TENM3: variants seen among roughly 807,000 people sequenced by gnomAD.
The protein encoded by TENM3 is teneurin-3.
A neutral mutation model predicts 255.1 loss-of-function variants in TENM3; 63 were observed. The ratio of observed to expected loss-of-function variants is 0.25; its 90% CI spans 0.20 to 0.30. The LOEUF (loss-of-function observed/expected upper bound fraction) is 0.30. Among genes scored for constraint, TENM3 ranks in the 10% least tolerant of loss-of-function variants. The pLI is 1.00. For missense variants in TENM3, 2,929 were observed against 3,461.1 expected (o/e 0.85, Z 3.86); for synonymous variants, 1,306 against 1,322.3 (o/e 0.99, Z 0.27).
chr4:182,628,988 A>T, intron 5 of TENM3, 99 bp downstream of exon 5: 2 of 754,280 alleles, frequency 2.7e-6, no homozygotes, highest in South Asian at 3.7e-5. Flanking sequence ...ATATTGTGAG[A>T]TTATATTTGG....
At chr4:181,457,389 T>C in the TENM3 span, among the ~76,000 whole-genome samples, 1 of 151,740 alleles carries the variant, frequency 6.6e-6, no homozygotes, top group African/African-American at 2.4e-5. Context: ...AGAATTTATT[T>C]TGGAAGTTCA....
At chr4:182,523,419 C>CT (rs34099228) in intron 3 of TENM3, among the ~76,000 whole-genome samples, 1 of 152,054 alleles carries the variant, frequency 6.6e-6, no homozygotes, top group African/African-American at 2.4e-5. Flanking sequence ...CAATTATAAC[C>CT]TTTTTTGGAA....
the TENM3 span, among the ~76,000 whole-genome samples, chr4:182,013,998 A>ATGTG: frequency 1.4e-5 from 1 of 71,540 alleles, no homozygotes; most frequent in African/African-American, 6.6e-5. Context: ...GTATATACAC[A>ATGTG]TATATACGTA....
At chr4:181,966,904 T>A in the TENM3 span, among the ~76,000 whole-genome samples, 5 of 152,138 alleles carry the variant, frequency 3.3e-5, no homozygotes, top group Admixed American at 3.3e-4. Context: ...ACAGCTAGCG[T>A]TCTCTAGCCC....
chr4:181,599,284 C>A, the TENM3 span, among the ~76,000 whole-genome samples: 956 of 152,186 alleles, frequency 6.3e-3, 18 homozygotes, highest in African/African-American at 0.021. Context: ...AAACAGCAGA[C>A]GTAGAGCACA....
At chr4:182,175,139 A>G (rs1228914528) in intron 1 of TENM3, among the ~76,000 whole-genome samples, 1 of 151,902 alleles carries the variant, frequency 6.6e-6, no homozygotes. Context: ...TCACTGTGTC[A>G]GAAATTAATT....
chr4:181,688,915 G>T, the TENM3 span, among the ~76,000 whole-genome samples: 1 of 152,262 alleles, frequency 6.6e-6, no homozygotes, highest in African/African-American at 2.4e-5. Context: ...CATTCATCCT[G>T]GGTACCCTTA....
the TENM3 span, among the ~76,000 whole-genome samples, chr4:182,049,998 A>AT: frequency 4.2e-5 from 4 of 94,142 alleles, no homozygotes; most frequent in Non-Finnish European, 1.1e-4. Flanking sequence ...TAATTAAAAA[A>AT]AAATTTTTTT....
chr4:182,021,735 C>T, the TENM3 span, among the ~76,000 whole-genome samples: 114 of 151,966 alleles, frequency 7.5e-4, no homozygotes, highest in South Asian at 0.012. Flanking sequence ...GATGAATAAA[C>T]AAATGAATGA....
the TENM3 span, among the ~76,000 whole-genome samples, chr4:181,811,073 T>C: frequency 8.5e-5 from 13 of 152,056 alleles, no homozygotes; most frequent in African/African-American, 3.1e-4. Context: ...AGCGAGAAAT[T>C]TGGAGTAGGT....
At chr4:182,509,873 G>A (rs988371560) in intron 3 of TENM3, among the ~76,000 whole-genome samples, 4 of 145,852 alleles carry the variant, frequency 2.7e-5, no homozygotes, top group African/African-American at 1.0e-4. Context: ...GGAGGCAGAG[G>A]TTGCCATGAG....
At position 182,524,895 on chromosome 4, in the gene TENM3, C is replaced by T. The variant is rs540950007; in HGVS notation, c.512-76029C>T. Among the ~76,000 whole-genome samples, 353 of 151,670 alleles carry T rather than the reference C, an allele frequency of 2.3e-3. 2 individuals carry two copies. The highest frequency in any genetic ancestry group is 7.8e-3 in the African/African-American group (324 of 41,324). ...ATTAAACTACCTGGGCCTGGTGGCG[C>T]GCACCTGTGGTACGGTCCCAGCTAC... On this transcript the variant is annotated intron_variant, in intron 3 of 27. Coordinates refer to ENST00000511685, the MANE Select transcript of TENM3 (RefSeq NM_001080477.4).
upstream of TENM3, among the ~76,000 whole-genome samples, chr4:182,241,228 T>C (rs1047105686): frequency 6.6e-6 from 1 of 152,226 alleles, no homozygotes; most frequent in Non-Finnish European, 1.5e-5. Context: ...TAAATGTTCA[T>C]TTAATCAATT....
intron 3 of TENM3, among the ~76,000 whole-genome samples, chr4:182,380,611 G>A (rs34448713): frequency 0.097 from 14,715 of 152,270 alleles, 803 homozygotes; most frequent in Non-Finnish European, 0.12. Context: ...ATATTGATCA[G>A]TTTTGGTAAT....
At chr4:182,170,868 A>C (rs549553255) in intron 1 of TENM3, among the ~76,000 whole-genome samples, 119 of 152,282 alleles carry the variant, frequency 7.8e-4, no homozygotes, top group Middle Eastern at 6.8e-3. Context: ...GGTACATAAA[A>C]TATTTTTAAG....
intron 1 of TENM3, among the ~76,000 whole-genome samples, chr4:182,251,762 C>T (rs959133539): frequency 6.6e-6 from 1 of 152,170 alleles, no homozygotes; most frequent in Admixed American, 6.5e-5. Flanking sequence ...TAAAGATGCT[C>T]TCTCCAACTT....
chr4:182,786,570 A>G lies in TENM3; in HGVS notation c.5305-2523A>G, dbSNP rs557352027. 5.6e-3 allele frequency among the ~76,000 whole-genome samples: 854 copies of G among 151,860 alleles called. 12 individuals carry two copies. Among genetic ancestry groups the G allele is most frequent in the African/African-American group, 0.02 (816 of 41,330 alleles). On this transcript the variant is annotated intron_variant, in intron 24 of 27. Coordinates refer to ENST00000511685, the MANE Select transcript of TENM3 (RefSeq NM_001080477.4). The stretch of plus-strand genomic sequence containing the variant: ...AGACCCCGTCTTAAAAAAAAAAAAA[A>G]AAAAGAAATCAGATGCCCGAGCAGC...
At chr4:181,772,302 C>T in the TENM3 span, among the ~76,000 whole-genome samples, 408 of 151,850 alleles carry the variant, frequency 2.7e-3, 1 homozygote, top group Non-Finnish European at 4.5e-3. Context: ...TGCTTGAACC[C>T]GGGAGATGGA....
At chr4:181,449,417 GA>G in the TENM3 span, among the ~76,000 whole-genome samples, 1 of 152,176 alleles carries the variant, frequency 6.6e-6, no homozygotes, top group Non-Finnish European at 1.5e-5. Flanking sequence ...AAGGAAGGGG[GA>G]GAAAAGTGAG....
Sources: allele counts gnomAD v4.1 joint callset (sites outside exome capture counted in the v4.1 genomes callset), GRCh38; gene constraint gnomAD v4.1.1; transcripts MANE v1.5; gene names NCBI Gene and HGNC (gene_info 2026-07-23, HGNC 2026-07-21).